The following DMXL2 variants were observed in gnomAD, a reference collection of about 807,000 sequenced individuals.
The protein encoded by DMXL2 is Dmx like 2.
A neutral mutation model predicts 331.1 loss-of-function variants in DMXL2; 103 were observed. The ratio of observed to expected loss-of-function variants is 0.31; its 90% CI spans 0.27 to 0.37. The LOEUF is 0.37. Among genes scored for constraint, DMXL2 ranks in the 10% least tolerant of loss-of-function variants. DMXL2 has a pLI of 1.00. For missense variants in DMXL2, 3,171 were observed against 3,642.9 expected (o/e 0.87, Z 3.33); for synonymous variants, 1,281 against 1,252.1 (o/e 1.02, Z -0.49).
At chr15:51,560,763 G>A (rs2049914937) in intron 6 of DMXL2, among the ~76,000 whole-genome samples, 1 of 151,324 alleles carries the variant, frequency 6.6e-6, no homozygotes, top group African/African-American at 2.4e-5. Flanking sequence ...TGGGAATTTA[G>A]ATGAGTGAAA....
chr15:51,544,494 A>G (rs979323212), intron 8 of DMXL2, among the ~76,000 whole-genome samples: 9 of 152,148 alleles, frequency 5.9e-5, no homozygotes, highest in Non-Finnish European at 1.2e-4. Context: ...TAAATCACCC[A>G]GTTTCAGACG....
At chr15:51,588,413 CT>C (rs2052025666) in intron 1 of DMXL2, among the ~76,000 whole-genome samples, 1 of 152,106 alleles carries the variant, frequency 6.6e-6, no homozygotes, top group South Asian at 2.1e-4. Flanking sequence ...GCCAGGAGCG[CT>C]GGGATTACAG....
chr15:51,484,931 T>C (rs1051804384), intron 23 of DMXL2, among the ~76,000 whole-genome samples: 5 of 144,832 alleles, frequency 3.5e-5, no homozygotes, highest in Admixed American at 1.4e-4. Flanking sequence ...ATTCAATGAA[T>C]GAAATAAAAA....
chr15:51,494,743 C>A (rs1378175414), intron 19 of DMXL2, among the ~76,000 whole-genome samples: 2 of 152,108 alleles, frequency 1.3e-5, no homozygotes, highest in African/African-American at 4.8e-5. Context: ...CTGTAGACAG[C>A]CACTTTGGGT....
chr15:51,483,229 C>T (rs967468886), intron 23 of DMXL2, among the ~76,000 whole-genome samples: 8 of 152,192 alleles, frequency 5.3e-5, no homozygotes, highest in African/African-American at 1.7e-4. Flanking sequence ...GTGCCCTCCA[C>T]CTACCGCCAG....
At position 51,459,645 on chromosome 15, in the gene DMXL2, C is replaced by T. The variant is rs1242679302; in HGVS notation, c.7942G>A (p.Val2648Met). 3.1e-6 allele frequency: 4 copies of T among 1,289,670 alleles called. No homozygotes were observed. In the Admixed American group the frequency reaches 9.2e-5, roughly 30 times the overall value. 79.9% of individuals were successfully genotyped at this position (1,289,670 alleles called of 1,614,324 possible). The stretch of plus-strand genomic sequence containing the variant: ...ATGCAGTTTTGGTTGACCTGCTCCA[C>T]ATGTTCTTCTATAGACTAAATACCA... ...RKQSESIEEHVEQVNQNCIAE... is the reference protein window; with the variant it reads ...RKQSESIEEHMEQVNQNCIAE... The change falls in exon 34 of 44, where the codon GTG becomes ATG. Residue 2648 changes from valine to methionine, a missense_variant. By Grantham distance (21) the Val-to-Met change is conservative. This residue lies in a region of DMXL2 where 766 missense variants were observed against 940.5 expected (regional missense o/e 0.81). Transcript: ENST00000560891.
intron 6 of DMXL2, among the ~76,000 whole-genome samples, chr15:51,556,777 A>C (rs892760122): frequency 3.9e-5 from 6 of 152,330 alleles, no homozygotes; most frequent in Admixed American, 3.9e-4. Context: ...GTCTCCAAAA[A>C]AAAAAGATAA....
intron 15 of DMXL2, 98 bp downstream of exon 15, chr15:51,514,344 A>G (rs2046912721): frequency 1.4e-6 from 1 of 692,846 alleles, no homozygotes; most frequent in Non-Finnish European, 2.4e-6. Context: ...GTCAAAAATT[A>G]TGAGAGTGGT....
intron 1 of DMXL2, among the ~76,000 whole-genome samples, chr15:51,614,488 A>T (rs2054169496): frequency 6.6e-6 from 1 of 152,230 alleles, no homozygotes; most frequent in Non-Finnish European, 1.5e-5. Flanking sequence ...ATACATTAAT[A>T]TATATCCTTG....
intron 1 of DMXL2, among the ~76,000 whole-genome samples, chr15:51,605,890 C>T (rs764400192): frequency 1.3e-5 from 2 of 151,988 alleles, no homozygotes; most frequent in South Asian, 4.1e-4. Context: ...ACTCAAAGAG[C>T]TAAAAAAATA....
At position 51,448,916 on chromosome 15, in the gene DMXL2, A is replaced by G; in HGVS notation, c.*68T>C. 1.4e-6 allele frequency: 2 copies of G among 1,447,806 alleles called. No individual in the cohort carries two copies. Among genetic ancestry groups the G allele is most frequent in the Non-Finnish European group, 1.9e-6 (2 of 1,048,852 alleles). The allele number at this position is 1,447,806 out of a possible 1,614,324, so 89.7% of individuals were successfully genotyped here. ...TTTTCAATACAACTGCTTAGAAAGC[A>G]GAATTGCCTAGTGATGACTGTAGTG... is the stretch of plus-strand genomic sequence containing the variant. On this transcript the variant is annotated 3_prime_UTR_variant, in exon 44 of 44. Coordinates refer to ENST00000560891, the MANE Select transcript of DMXL2 (RefSeq NM_001378457.1).
At chr15:51,528,902 T>C (rs1271531288) in intron 13 of DMXL2, among the ~76,000 whole-genome samples, 1 of 152,054 alleles carries the variant, frequency 6.6e-6, no homozygotes, top group African/African-American at 2.4e-5. Context: ...TGAAATAATA[T>C]CAAGCATCTT....
chr15:51,545,629 A>G lies in DMXL2; in HGVS notation c.884T>C (p.Leu295Pro), dbSNP rs2140933984. The G allele has an allele frequency of 6.2e-7, 1 of 1,613,706 alleles. No individual in the cohort carries two copies. Residue 295 changes from leucine (L) to proline (P), a missense_variant, in exon 8 of 44, where the codon CTT (leucine) becomes CCT (proline). Physicochemically the swap from Leu to Pro is moderately conservative, Grantham distance 98. Coordinates refer to ENST00000560891, the MANE Select transcript of DMXL2 (RefSeq NM_001378457.1). ...GTCTTTGTGTCTTCCAGCATGAGAA[A>G]GGCTGCTGGCAATGCTGGAAGTGGT... ...ETTTSSIASS[L>P]SHAGRHKDRI... is the part of the protein sequence containing the mutation.
chr15:51,522,669 T>C (rs1053400218), intron 13 of DMXL2, among the ~76,000 whole-genome samples: 2 of 151,890 alleles, frequency 1.3e-5, no homozygotes, highest in Non-Finnish European at 2.9e-5. Flanking sequence ...ATAAAATAAA[T>C]AAATAAACAA....
Position 51,610,979 on chromosome 15 carries a change from G to A in DMXL2, c.87+11480C>T, listed in dbSNP as rs188736077. Among the ~76,000 whole-genome samples, 11 of 152,204 alleles carry A rather than the reference G, an allele frequency of 7.2e-5. No homozygotes were observed. The East Asian group carries it at 2.1e-3, about 29-fold the overall frequency. On this transcript the variant is annotated intron_variant, in intron 1 of 43. Coordinates refer to ENST00000560891, the MANE Select transcript of DMXL2 (RefSeq NM_001378457.1). ...TTTAAAAACAGCTTTGTAGAATGCA[G>A]AGAATGCAGATCTTGGAAGAAAACG... is the stretch of plus-strand genomic sequence containing the variant.
At chr15:51,528,001 T>C (rs1305317094) in intron 13 of DMXL2, among the ~76,000 whole-genome samples, 1 of 152,188 alleles carries the variant, frequency 6.6e-6, no homozygotes, top group African/African-American at 2.4e-5. Flanking sequence ...GCAAACAGTG[T>C]TAAGTCATAA....
At chr15:51,500,713 T>C (rs1442854884) in intron 17 of DMXL2, among the ~76,000 whole-genome samples, 1 of 152,202 alleles carries the variant, frequency 6.6e-6, no homozygotes, top group Non-Finnish European at 1.5e-5. Flanking sequence ...GTACACCAAA[T>C]TTTGTTTCAG....
intron 33 of DMXL2, 170 bp from the exon 34 acceptor site, chr15:51,459,830 C>T (rs1052138608): frequency 6.8e-6 from 8 of 1,173,824 alleles, no homozygotes; most frequent in Non-Finnish European, 7.5e-6. Context: ...CAAATAAACA[C>T]AACACAAAGC....
chr15:51,491,474 A>T, intron 20 of DMXL2, 104 bp downstream of exon 20: 1 of 1,189,794 alleles, frequency 8.4e-7, no homozygotes, highest in Non-Finnish European at 1.2e-6. Context: ...ACCTCAAGAT[A>T]GACAAACAAA....
Sources: gnomAD v4.1 joint callset for allele counts (sites outside exome capture counted in the v4.1 genomes callset) on GRCh38, gnomAD v4.1.1 for gene constraint, gnomAD v4.1.1 regional missense constraint, MANE v1.5 for transcripts, NCBI Gene and HGNC (gene_info 2026-07-23, HGNC 2026-07-21) for gene names.